RMND5A: variants seen among roughly 807,000 people sequenced by gnomAD.
The protein encoded by RMND5A is E3 ubiquitin-protein transferase RMND5A.
A neutral mutation model predicts 49.7 loss-of-function variants in RMND5A; 17 were observed. The observed-to-expected ratio is 0.34, with a 90% CI of 0.23 to 0.51. The LOEUF (loss-of-function observed/expected upper bound fraction) is 0.51, where lower values mean the gene tolerates loss of function less well. RMND5A is among the 20% of genes least tolerant of loss of function. The probability of loss-of-function intolerance (pLI) is 0.96; values close to 1 mark genes in which losing one functional copy is unlikely to be tolerated. For synonymous variants in RMND5A, 156 were observed against 167.7 expected (o/e 0.93, Z 0.54); for missense variants, 255 against 471.3 (o/e 0.54, Z 4.25).
intron 4 of RMND5A, among the ~76,000 whole-genome samples, chr2:86,762,008 T>G (rs1672496694): frequency 6.6e-6 from 1 of 152,230 alleles, no homozygotes; most frequent in African/African-American, 2.4e-5. Flanking sequence ...AAAAGTAATT[T>G]ATAATTACTC....
At chr2:86,751,537 C>A (rs1681632904) in intron 2 of RMND5A, among the ~76,000 whole-genome samples, 1 of 152,034 alleles carries the variant, frequency 6.6e-6, no homozygotes, top group South Asian at 2.1e-4. Flanking sequence ...TCCTTTTTTC[C>A]CCTCCCATTA....
rs1190122400 is a variant in RMND5A, at chr2:86,776,131, C to G, written c.*2720C>G. ...TGGGACTATGCTAAACCAATAAAAC[C>G]TTATTAGCAAATCTTTAGATTCTGA... On this transcript the variant is annotated 3_prime_UTR_variant, in exon 9 of 9. Transcript: ENST00000283632. 1 of 152,162 alleles carries G rather than the reference C, an allele frequency of 6.6e-6. No homozygotes were observed. The highest frequency in any genetic ancestry group is 2.4e-5 in the African/African-American group (1 of 41,416). The allele number at this position is 152,162 out of a possible 1,614,324, so 9.4% of individuals were successfully genotyped here.
chr2:86,756,901 C>T (rs1245390053), intron 4 of RMND5A, among the ~76,000 whole-genome samples: 49 of 152,122 alleles, frequency 3.2e-4, no homozygotes, highest in South Asian at 2.1e-4. Context: ...AGGCCGGGCA[C>T]GGTGGCTCAT....
chr2:86,771,786 T>A, intron 8 of RMND5A, 74 bp downstream of exon 8: 1 of 1,251,170 alleles, frequency 8.0e-7, no homozygotes, highest in Non-Finnish European at 1.1e-6. Flanking sequence ...TAAGAAGTGA[T>A]GAGGATTAAA....
At chr2:86,742,921 T>C (rs1681473957) in intron 2 of RMND5A, among the ~76,000 whole-genome samples, 1 of 151,976 alleles carries the variant, frequency 6.6e-6, no homozygotes, top group Non-Finnish European at 1.5e-5. Context: ...ACTATAATTC[T>C]AGTGTGTGGG....
chr2:86,759,292 CAATT>C (rs1268110872), intron 4 of RMND5A, among the ~76,000 whole-genome samples: 3 of 152,172 alleles, frequency 2.0e-5, no homozygotes, highest in Non-Finnish European at 4.4e-5. Context: ...ACAGGCCTGA[CAATT>C]AAGATAATTA....
At chr2:86,754,401 T>TTC (rs1306960867) in intron 4 of RMND5A, among the ~76,000 whole-genome samples, 1 of 152,220 alleles carries the variant, frequency 6.6e-6, no homozygotes, top group Non-Finnish European at 1.5e-5. Flanking sequence ...TGTTGTGAGC[T>TTC]TATAGCTTTG....
Position 86,720,781 on chromosome 2 carries a change from C to T in RMND5A, c.114C>T (p.Gly38=), listed in dbSNP as rs193285995. 22 of 1,595,172 alleles carry T rather than the reference C, an allele frequency of 1.4e-5. No individual in the cohort carries two copies. The highest frequency in any genetic ancestry group is 1.9e-4 in the Middle Eastern group (1 of 5,254). ...AGGAGCTCATCGACTACACCGGCGG[C>T]CTCAAGCACGAGATCCTGCAGAGCC... ...GLEELIDYTG[G]LKHEILQSHG... is the part of the protein sequence containing the mutation. Residue 38 remains glycine (G), a synonymous_variant, in exon 1 of 9, where the codon GGC becomes GGT. Coordinates refer to ENST00000283632, the MANE Select transcript of RMND5A (RefSeq NM_022780.4).
chr2:86,747,193 C>A (rs949630867), intron 2 of RMND5A, among the ~76,000 whole-genome samples: 4 of 152,176 alleles, frequency 2.6e-5, no homozygotes, highest in African/African-American at 9.7e-5. Context: ...TATCAGACTT[C>A]AAATGTTTAA....
rs1672731889 is a variant in RMND5A, at chr2:86,774,402, C to T, written c.*991C>T. 1 of 152,586 alleles carries T rather than the reference C, an allele frequency of 6.6e-6. No homozygotes were observed. The highest frequency in any genetic ancestry group is 2.4e-5 in the African/African-American group (1 of 41,422). 9.5% of individuals were successfully genotyped at this position (152,586 alleles called of 1,614,324 possible). A position where few individuals can be genotyped will look rare whatever the true frequency, so the allele number is the denominator to read the frequency against. On this transcript the variant is annotated 3_prime_UTR_variant, in exon 9 of 9. Transcript: ENST00000283632. ...TTAAATCCTTAAAGTTAGAAGCTAG[C>T]AAATTTTCTGTAGTGCAGAACGTTT...
At chr2:86,752,377 T>G (rs1208222213) in intron 3 of RMND5A, among the ~76,000 whole-genome samples, 2 of 152,212 alleles carry the variant, frequency 1.3e-5, no homozygotes, top group African/African-American at 2.4e-5. Flanking sequence ...GACAAAAACA[T>G]TGATGTTTGT....
rs1435491959 is a variant in RMND5A, at chr2:86,720,607, G to T, written c.-61G>T. On this transcript the variant is annotated 5_prime_UTR_variant, in exon 1 of 9. Transcript: ENST00000283632. ...AGGAGCAGGACGCGGCCTCGGTGGG[G>T]CCCGGGCCGAACGGCTGCGGACACC... The T allele has an allele frequency of 5.5e-6, 8 of 1,453,966 alleles. No homozygotes were observed. In the Admixed American group the frequency reaches 6.7e-5, roughly 12 times the overall value. The allele number at this position is 1,453,966 out of a possible 1,614,324, so 90.1% of individuals were successfully genotyped here. A position where few individuals can be genotyped will look rare whatever the true frequency, so the allele number is the denominator to read the frequency against.
intron 4 of RMND5A, among the ~76,000 whole-genome samples, chr2:86,756,515 A>C (rs1374169707): frequency 6.6e-6 from 1 of 152,228 alleles, no homozygotes; most frequent in Non-Finnish European, 1.5e-5. Context: ...TAACACATTT[A>C]AAACCCATAA....
Position 86,752,018 on chromosome 2 carries a change from G to A in RMND5A, c.408G>A (p.Glu136=). The A allele has an allele frequency of 6.2e-7, 1 of 1,613,816 alleles. No homozygotes were observed. Among genetic ancestry groups the A allele is most frequent in the African/African-American group, 1.3e-5 (1 of 75,032 alleles). The change falls in exon 3 of 9, where the codon GAG becomes GAA. Residue 136 remains glutamate, a synonymous_variant. Coordinates refer to ENST00000283632, the MANE Select transcript of RMND5A (RefSeq NM_022780.4). ...GACAAGGAATGCTGGATGTGGCTGAGGAGCTCTGTCAGGTAACAGTGTGCC... is the reference window on the plus strand; with the variant it reads ...GACAAGGAATGCTGGATGTGGCTGAAGAGCTCTGTCAGGTAACAGTGTGCC... The part of the protein sequence containing the change: ...FFRQGMLDVA[E]ELCQESGLSV...
chr2:86,732,601 G>A (rs1390711005), intron 1 of RMND5A, among the ~76,000 whole-genome samples: 1 of 149,396 alleles, frequency 6.7e-6, no homozygotes, highest in Non-Finnish European at 1.5e-5. Context: ...TTTTAGCTTT[G>A]TGCAAACCAG....
chr2:86,755,090 A>AAACAAAATATGGC (rs1463984333), intron 4 of RMND5A, among the ~76,000 whole-genome samples: 2 of 151,972 alleles, frequency 1.3e-5, no homozygotes, highest in Admixed American at 6.6e-5. Flanking sequence ...AACACCTCTT[A>AAACAAAATATGGC]AACAAAATAT....
At chr2:86,721,372 A>G (rs1681218925) in intron 1 of RMND5A, among the ~76,000 whole-genome samples, 2 of 151,846 alleles carry the variant, frequency 1.3e-5, no homozygotes, top group South Asian at 4.1e-4. Context: ...CTGCAACTTC[A>G]TGATTTGGCT....
At position 86,733,175 on chromosome 2, in the gene RMND5A, C is replaced by T. The variant is rs1421769194; in HGVS notation, c.143-7752C>T. On this transcript the variant is annotated intron_variant, in intron 1 of 8. Transcript: ENST00000283632. The stretch of plus-strand genomic sequence containing the variant: ...GCAATTTCAGAGGGTGTTGGTAGTA[C>T]CAGACAGTCTTCAATGCTGGGTTTG... 2.8e-5 allele frequency among the ~76,000 whole-genome samples: 2 copies of T among 71,280 alleles called. 1 individual carries two copies. Among genetic ancestry groups the T allele is most frequent in the African/African-American group, 1.3e-4 (2 of 15,012 alleles). 46.8% of individuals were successfully genotyped at this position (71,280 alleles called of 152,430 possible). A position where few individuals can be genotyped will look rare whatever the true frequency, so the allele number is the denominator to read the frequency against.
chr2:86,770,057 A>AT lies in RMND5A; in HGVS notation c.891dup (p.Asn298Ter). On this transcript the variant is annotated frameshift_variant, in exon 7 of 9. Coordinates refer to ENST00000283632, the MANE Select transcript of RMND5A (RefSeq NM_022780.4). LOFTEE classifies it high-confidence loss of function. Reference sequence around the variant, plus strand: ...AGGTTGTGTGGCGCTGCCAGCTTTAATTAACATCAAAGCCGTGATTGAACA... The same window carrying AT: ...AGGTTGTGTGGCGCTGCCAGCTTTAATTTAACATCAAAGCCGTGATTGAACA... The AT allele has an allele frequency of 6.2e-7, 1 of 1,614,060 alleles. No individual in the cohort carries two copies. Among genetic ancestry groups the AT allele is most frequent in the Non-Finnish European group, 8.5e-7 (1 of 1,179,922 alleles).
Sources: gnomAD v4.1 joint callset for allele counts (sites outside exome capture counted in the v4.1 genomes callset) on GRCh38, gnomAD v4.1.1 for gene constraint, MANE v1.5 for transcripts, NCBI Gene and HGNC (gene_info 2026-07-23, HGNC 2026-07-21) for gene names.